Variants in ULK4 observed in about 807,000 individuals in gnomAD.
ULK4 encodes the protein unc-51 like kinase 4, also known as inactive serine/threonine-protein kinase ULK4.
In ULK4, 133 loss-of-function variants were observed where a neutral mutation model predicts 160.6. That is an observed-to-expected ratio of 0.83 (90% CI 0.72 to 0.96). ULK4 has a LOEUF of 0.96. ULK4 is among the 40% of genes least tolerant of loss of function. The pLI, the probability that ULK4 is intolerant of heterozygous loss-of-function variation, is 0.00. For missense variants in ULK4, 1,580 were observed against 1,499.5 expected, an observed-to-expected ratio of 1.05 and a Z score of -0.89; for synonymous variants, 534 against 539.8, an observed-to-expected ratio of 0.99 and a Z score of 0.15.
intron 6 of ULK4, among the ~76,000 whole-genome samples, chr3:41,919,292 T>C (rs1384417431): frequency 2.6e-5 from 4 of 152,158 alleles, no homozygotes; most frequent in South Asian, 2.1e-4. Context: ...TCAGTATACA[T>C]AAAAATTTAT....
At chr3:41,397,338 T>TG (rs1478618942) in intron 35 of ULK4, among the ~76,000 whole-genome samples, 1 of 152,244 alleles carries the variant, frequency 6.6e-6, no homozygotes, top group Non-Finnish European at 1.5e-5. Flanking sequence ...TTATAAATGT[T>TG]GGGGATGAGA....
At position 41,911,628 on chromosome 3, in the gene ULK4, C is replaced by G; in HGVS notation, c.928G>C (p.Asp310His). Residue 310 changes from aspartate (D) to histidine (H), a missense_variant, in exon 10 of 37, where the codon GAT (aspartate) becomes CAT (histidine). Transcript: ENST00000301831. Reference protein sequence around the residue: ...RNTMECSGPQDSKELLQNSQS... With the variant: ...RNTMECSGPQHSKELLQNSQS... ...GAGTTCTGCAAAAGCTCCTTGGAAT[C>G]TTGTGGCCCAGAACACTCCATAGTG... The G allele has an allele frequency of 1.2e-6, 2 of 1,613,878 alleles. No homozygotes were observed. Among genetic ancestry groups the G allele is most frequent in the Non-Finnish European group, 1.7e-6 (2 of 1,180,032 alleles).
rs1206200789 is a variant in ULK4, at chr3:41,774,292, A to T, written c.2193+15369T>A. On this transcript the variant is annotated intron_variant, in intron 21 of 36. Coordinates refer to ENST00000301831, the MANE Select transcript of ULK4 (RefSeq NM_017886.4). Reference sequence around the variant, plus strand: ...CCATCAGAGTGAACAGGCAACCTACAAAATGGGAGAAAATTTTTGCAACCT... The same window carrying T: ...CCATCAGAGTGAACAGGCAACCTACTAAATGGGAGAAAATTTTTGCAACCT... Among the ~76,000 whole-genome samples, 328 of 150,972 alleles carry T rather than the reference A, an allele frequency of 2.2e-3. 7 individuals carry two copies. Among genetic ancestry groups the T allele is most frequent in the African/African-American group, 7.8e-3 (315 of 40,510 alleles).
intron 35 of ULK4, among the ~76,000 whole-genome samples, chr3:41,397,593 T>C (rs987260505): frequency 6.6e-6 from 1 of 152,014 alleles, no homozygotes; most frequent in African/African-American, 2.4e-5. Context: ...AAAAATATCA[T>C]GAAAGACAAA....
chr3:41,803,938 A>T (rs1462935998), intron 19 of ULK4, among the ~76,000 whole-genome samples: 1 of 152,226 alleles, frequency 6.6e-6, no homozygotes, highest in Non-Finnish European at 1.5e-5. Context: ...TAGTGCCACA[A>T]TAAACATATG....
Position 41,918,472 on chromosome 3 carries a change from G to A in ULK4, c.712C>T (p.Pro238Ser). 1 of 1,580,094 alleles carries A rather than the reference G, an allele frequency of 6.3e-7. No individual in the cohort carries two copies. The highest frequency in any genetic ancestry group is 8.6e-7 in the Non-Finnish European group (1 of 1,163,966). The change falls in exon 7 of 37, where the codon CCA (proline) becomes TCA (serine). Residue 238 changes from proline (P) to serine (S), a missense_variant. Coordinates refer to ENST00000301831, the MANE Select transcript of ULK4 (RefSeq NM_017886.4). ...GAAATCTTACCTTTCGGAATAGGTG[G>A]CAAAGGATCTTCACATAAGATCTTT... ...TEKILCEDPL[P>S]PIPKDSSRPK...
chr3:41,565,448 T>C (rs1227494833), intron 32 of ULK4, among the ~76,000 whole-genome samples: 2 of 152,160 alleles, frequency 1.3e-5, no homozygotes, highest in Admixed American at 6.5e-5. Flanking sequence ...AATCCAATTA[T>C]GGTATTTGAG....
intron 34 of ULK4, among the ~76,000 whole-genome samples, chr3:41,409,237 CAG>C (rs1276747437): frequency 2.6e-5 from 4 of 152,082 alleles, no homozygotes; most frequent in African/African-American, 7.2e-5. Context: ...GACTGGGTAA[CAG>C]AGCAAGACTC....
intron 21 of ULK4, among the ~76,000 whole-genome samples, chr3:41,781,899 A>G (rs1003457902): frequency 6.6e-6 from 1 of 152,238 alleles, no homozygotes; most frequent in Non-Finnish European, 1.5e-5. Flanking sequence ...AGATCATGCC[A>G]CTGCACTCCA....
intron 35 of ULK4, among the ~76,000 whole-genome samples, chr3:41,324,017 C>T (rs565461723): frequency 6.6e-6 from 1 of 152,300 alleles, no homozygotes; most frequent in East Asian, 1.9e-4. Flanking sequence ...AGGGATTATG[C>T]CTGTCACTGC....
intron 21 of ULK4, among the ~76,000 whole-genome samples, chr3:41,757,500 C>T (rs186675567): frequency 0.013 from 2,038 of 151,302 alleles, 45 homozygotes; most frequent in African/African-American, 0.046. Context: ...GGTGTGGTGG[C>T]GGGTGCCTGT....
intron 16 of ULK4, among the ~76,000 whole-genome samples, chr3:41,887,209 T>C (rs370741963): frequency 1.1e-3 from 168 of 152,342 alleles, no homozygotes; most frequent in African/African-American, 3.9e-3. Flanking sequence ...CTCATCTTTC[T>C]TATGCCTGGT....
intron 31 of ULK4, among the ~76,000 whole-genome samples, chr3:41,587,536 T>C (rs1289762440): frequency 6.6e-6 from 1 of 152,186 alleles, no homozygotes; most frequent in Non-Finnish European, 1.5e-5. Flanking sequence ...TTTGAAATAC[T>C]GAGAAAGAAC....
chr3:41,493,770 A>G (rs1180698579), intron 32 of ULK4, among the ~76,000 whole-genome samples: 3 of 149,148 alleles, frequency 2.0e-5, no homozygotes, highest in Non-Finnish European at 3.0e-5. Flanking sequence ...CCACAGAAAT[A>G]CAAACTACCA....
At chr3:41,399,432 T>C (rs1300594636) in intron 34 of ULK4, among the ~76,000 whole-genome samples, 1 of 152,216 alleles carries the variant, frequency 6.6e-6, no homozygotes, top group Non-Finnish European at 1.5e-5. Flanking sequence ...TAAAAGGTTT[T>C]TCCTTTCTGC....
chr3:41,867,760 A>T (rs1458322212), intron 17 of ULK4, among the ~76,000 whole-genome samples: 1 of 152,252 alleles, frequency 6.6e-6, no homozygotes, highest in African/African-American at 2.4e-5. Flanking sequence ...GAGCATTTCA[A>T]GTTATGAATT....
intron 30 of ULK4, among the ~76,000 whole-genome samples, chr3:41,648,859 C>A (rs1351027435): frequency 2.0e-5 from 3 of 152,148 alleles, no homozygotes; most frequent in African/African-American, 4.8e-5. Context: ...GTAGGCTAGG[C>A]ATGGTGGCTC....
Position 41,440,046 on chromosome 3 carries a change from T to C in ULK4, c.3492+15451A>G, listed in dbSNP as rs2083128024. 2.6e-5 allele frequency among the ~76,000 whole-genome samples: 4 copies of C among 152,222 alleles called. No homozygotes were observed. The South Asian group carries it at 8.3e-4, about 32-fold the overall frequency. ...AATAGATTTTTTTGCATATTGATTTTGTTTACTGCAATGTGGACAGACTTC... is the reference window on the plus strand; with the variant it reads ...AATAGATTTTTTTGCATATTGATTTCGTTTACTGCAATGTGGACAGACTTC... On this transcript the variant is annotated intron_variant, in intron 34 of 36. Transcript: ENST00000301831.
rs372724656 is a variant in ULK4 at position 41,882,322 on chromosome 3, T to C, written c.1656+1552A>G. ...AATAAATACATAAAATGCCAGGTGG[T>C]GATACATGCTGTGAAAAAGATAAAG... On this transcript the variant is annotated intron_variant, in intron 17 of 36. Transcript: ENST00000301831. 2,581 of 701,806 alleles carry C rather than the reference T, an allele frequency of 3.7e-3. 8 individuals carry two copies. The highest frequency in any genetic ancestry group is 5.4e-3 in the Non-Finnish European group (2,080 of 384,728). The allele number at this position is 701,806 out of a possible 1,614,324, so 43.5% of individuals were successfully genotyped here. A position where few individuals can be genotyped will look rare whatever the true frequency, so the allele number is the denominator to read the frequency against.
Sources: allele counts gnomAD v4.1 joint callset (sites outside exome capture counted in the v4.1 genomes callset), GRCh38; gene constraint gnomAD v4.1.1; transcripts MANE v1.5; gene names NCBI Gene and HGNC (gene_info 2026-07-23, HGNC 2026-07-21).